Variants in TRIM33 observed in about 807,000 individuals in gnomAD.
The protein encoded by TRIM33 is E3 ubiquitin-protein ligase TRIM33.
Under a neutral mutation model 125.4 loss-of-function variants are expected in TRIM33, and 20 were observed. That is an observed-to-expected ratio of 0.16 (90% confidence interval 0.11 to 0.23). The LOEUF (loss-of-function observed/expected upper bound fraction) is 0.23. Among genes scored for constraint, TRIM33 ranks in the 10% least tolerant of loss-of-function variants. The probability of loss-of-function intolerance (pLI) is 1.00; values close to 1 mark genes in which losing one functional copy is unlikely to be tolerated. For missense variants in TRIM33, 920 were observed against 1,411.4 expected, an observed-to-expected ratio of 0.65 and a Z score of 5.58; for synonymous variants, 564 against 513.9, an observed-to-expected ratio of 1.10 and a Z score of -1.32.
intron 1 of TRIM33, among the ~76,000 whole-genome samples, chr1:114,500,039 C>A (rs1007185773): frequency 2.6e-5 from 4 of 152,060 alleles, no homozygotes; most frequent in Admixed American, 1.3e-4. Flanking sequence ...TGGTGGCGGG[C>A]GCCTCTAATC....
At position 114,405,626 on chromosome 1, in the gene TRIM33, T is replaced by C; in HGVS notation, c.2552A>G (p.Gln851Arg). 6.2e-7 allele frequency: 1 copy of C among 1,614,220 alleles called. No homozygotes were observed. Among genetic ancestry groups the C allele is most frequent in the Non-Finnish European group, 8.5e-7 (1 of 1,180,026 alleles). ...ATTAACAAGGCTGCTGAGCCCTGAC[T>C]GTTTGCAGCTTTCATTCATATCTGC... ...EPADMNESCK[Q>R]SGLSSLVNGK... The change falls in exon 15 of 20, where the codon CAG becomes CGG. Residue 851 changes from glutamine (Q) to arginine (R), a missense_variant. Physicochemically the swap from Gln to Arg is conservative, Grantham distance 43. Coordinates refer to ENST00000358465, the MANE Select transcript of TRIM33 (RefSeq NM_015906.4).
intron 8 of TRIM33, 53 bp from the exon 9 acceptor site, chr1:114,425,776 T>G: frequency 2.3e-6 from 3 of 1,330,274 alleles, no homozygotes; most frequent in African/African-American, 1.5e-5. Context: ...ATCATCTACT[T>G]TGTTGAGTAA....
At chr1:114,485,920 G>C (rs765269285) in intron 1 of TRIM33, among the ~76,000 whole-genome samples, 7 of 152,144 alleles carry the variant, frequency 4.6e-5, no homozygotes, top group Admixed American at 2.6e-4. Flanking sequence ...AAGATGATCA[G>C]ATATCACATA....
At position 114,424,657 on chromosome 1, in the gene TRIM33, T is replaced by C. The variant is rs554206826; in HGVS notation, c.1794A>G (p.Arg598=). Residue 598 remains arginine (R), a synonymous_variant, in exon 10 of 20, where the codon AGA becomes AGG. Transcript: ENST00000358465. The part of the protein sequence containing the change: ...HQMRLAQNAA[R]IPGIPRHSGP... ...CGCTGTGCCTGGGTATCCCTGGTAT[T>C]CTGGCAGCATTCTGAGCCAGTCTCA... is the stretch of plus-strand genomic sequence containing the variant. The C allele has an allele frequency of 1.2e-6, 2 of 1,611,806 alleles. No individual in the cohort carries two copies. The highest frequency in any genetic ancestry group is 4.5e-5 in the East Asian group (2 of 44,810).
intron 6 of TRIM33, among the ~76,000 whole-genome samples, chr1:114,430,232 A>G (rs1572045076): frequency 1.3e-5 from 2 of 151,744 alleles, no homozygotes; most frequent in Admixed American, 1.3e-4. Flanking sequence ...TTTTAGTAAC[A>G]TTTCTTTTTT....
At position 114,492,501 on chromosome 1, in the gene TRIM33, T is replaced by C. The variant is rs150058518; in HGVS notation, c.526+18050A>G. Among the ~76,000 whole-genome samples, 776 of 152,140 alleles carry C rather than the reference T, an allele frequency of 5.1e-3. 8 individuals carry two copies. The highest frequency in any genetic ancestry group is 0.018 in the African/African-American group (738 of 41,514). On this transcript the variant is annotated intron_variant, in intron 1 of 19. Transcript: ENST00000358465. ...CCATAATTTTCAAAACCTTTTATCATCCCAAACAGAAACTATATCCATTAA... is the reference window on the plus strand; with the variant it reads ...CCATAATTTTCAAAACCTTTTATCACCCCAAACAGAAACTATATCCATTAA...
At chr1:114,460,947 G>A (rs1193393888) in intron 4 of TRIM33, among the ~76,000 whole-genome samples, 2 of 151,930 alleles carry the variant, frequency 1.3e-5, no homozygotes, top group East Asian at 1.9e-4. Flanking sequence ...TAAGTTAAAT[G>A]CTTCCCTGAG....
intron 4 of TRIM33, 39 bp from the exon 5 acceptor site, chr1:114,433,772 TTATGATTAAGA>T: frequency 7.9e-7 from 1 of 1,262,074 alleles, no homozygotes; most frequent in Admixed American, 2.0e-5. Context: ...AACAAAACAT[TTATGATTAAGA>T]TTTTGGAAAT....
intron 1 of TRIM33, among the ~76,000 whole-genome samples, chr1:114,500,608 TAAA>T (rs76991752): frequency 7.2e-6 from 1 of 138,184 alleles, no homozygotes. Flanking sequence ...ATTTTTTAAT[TAAA>T]AAAAAAAAAA....
At chr1:114,404,229 G>A (rs1205900660) in intron 15 of TRIM33, 1 of 152,070 alleles carries the variant, frequency 6.6e-6, no homozygotes, top group African/African-American at 2.4e-5. Flanking sequence ...CTGCTTCCCA[G>A]GTTCAAGCAA....
intron 1 of TRIM33, among the ~76,000 whole-genome samples, chr1:114,505,303 G>A (rs1240951287): frequency 6.6e-6 from 1 of 152,124 alleles, no homozygotes; most frequent in Non-Finnish European, 1.5e-5. Flanking sequence ...CTGTTGAAGA[G>A]GAGAGTCAGA....
intron 1 of TRIM33, among the ~76,000 whole-genome samples, chr1:114,468,081 C>T (rs1650415046): frequency 6.6e-6 from 1 of 152,180 alleles, no homozygotes; most frequent in African/African-American, 2.4e-5. Context: ...AAAAGATTGT[C>T]AAGTCGTGCC....
At chr1:114,498,802 T>C (rs1344002580) in intron 1 of TRIM33, among the ~76,000 whole-genome samples, 1 of 151,934 alleles carries the variant, frequency 6.6e-6, no homozygotes, top group East Asian at 1.9e-4. Context: ...TAGTAATAGT[T>C]CAATAAGAGT....
chr1:114,410,701 G>A (rs1652526994), intron 11 of TRIM33, among the ~76,000 whole-genome samples: 1 of 151,892 alleles, frequency 6.6e-6, no homozygotes, highest in South Asian at 2.1e-4. Context: ...AATTATGTTA[G>A]TACCCAGCTC....
intron 4 of TRIM33, among the ~76,000 whole-genome samples, chr1:114,454,145 A>G (rs1649490741): frequency 6.6e-6 from 1 of 152,200 alleles, no homozygotes; most frequent in Non-Finnish European, 1.5e-5. Context: ...CTAATTTTAT[A>G]GTTAGCATCA....
chr1:114,456,704 A>T (rs938093064), intron 4 of TRIM33, among the ~76,000 whole-genome samples: 3 of 152,188 alleles, frequency 2.0e-5, no homozygotes, highest in African/African-American at 7.2e-5. Context: ...GCTTACTGTC[A>T]TAATTTGATT....
chr1:114,497,597 G>C (rs1474060640), intron 1 of TRIM33, among the ~76,000 whole-genome samples: 1 of 152,160 alleles, frequency 6.6e-6, no homozygotes, highest in East Asian at 1.9e-4. Flanking sequence ...CACCCTGCCT[G>C]GCCTCTAATA....
chr1:114,479,757 T>G (rs982149056), intron 1 of TRIM33, among the ~76,000 whole-genome samples: 2 of 152,220 alleles, frequency 1.3e-5, no homozygotes, highest in African/African-American at 2.4e-5. Flanking sequence ...AGTATTGTCC[T>G]GAAGTGAATT....
At chr1:114,486,974 T>C (rs1442999344) in intron 1 of TRIM33, among the ~76,000 whole-genome samples, 1 of 151,134 alleles carries the variant, frequency 6.6e-6, no homozygotes, top group Non-Finnish European at 1.5e-5. Context: ...GTAGTACCAG[T>C]TACTTGGGAG....
Sources: gnomAD v4.1 joint callset for allele counts (sites outside exome capture counted in the v4.1 genomes callset) on GRCh38, gnomAD v4.1.1 for gene constraint, MANE v1.5 for transcripts, NCBI Gene and HGNC (gene_info 2026-07-23, HGNC 2026-07-21) for gene names.